The following CDK14 variants were observed in gnomAD, a reference collection of about 807,000 sequenced individuals.
The protein encoded by CDK14 is cyclin dependent kinase 14.
A neutral mutation model predicts 60.7 loss-of-function variants in CDK14; 34 were observed. That is an observed-to-expected ratio of 0.56 (90% CI 0.43 to 0.75). The LOEUF (loss-of-function observed/expected upper bound fraction) is 0.75, where lower values mean the gene tolerates loss of function less well. Ranked by LOEUF, CDK14 falls within the 30% of genes least tolerant of loss-of-function variation. The probability of loss-of-function intolerance (pLI) is 0.00; values close to 1 mark genes in which losing one functional copy is unlikely to be tolerated. For synonymous variants in CDK14, 197 were observed against 203.7 expected (o/e 0.97, Z 0.28); for missense variants, 482 against 564.1 (o/e 0.85, Z 1.47).
intron 4 of CDK14, among the ~76,000 whole-genome samples, chr7:90,770,440 T>G (rs1338070616): frequency 6.6e-6 from 1 of 152,236 alleles, no homozygotes; most frequent in African/African-American, 2.4e-5. Context: ...TAAAAATGTA[T>G]TTTTAACTTC....
intron 14 of CDK14, among the ~76,000 whole-genome samples, chr7:91,194,431 A>AT (rs897597114): frequency 7.3e-5 from 11 of 151,382 alleles, no homozygotes; most frequent in South Asian, 4.2e-4. Flanking sequence ...GATTGGGCTG[A>AT]TTTTTTTTTC....
chr7:91,109,614 T>A (rs1183548814), intron 12 of CDK14, among the ~76,000 whole-genome samples: 3 of 152,024 alleles, frequency 2.0e-5, no homozygotes, highest in Non-Finnish European at 2.9e-5. Context: ...ATATCAATAA[T>A]CACAAAATGT....
Position 90,780,685 on chromosome 7 carries a change from G to C in CDK14, c.465-9888G>C, listed in dbSNP as rs776684637. ...TTTTTGTTCTTGCGATAGTTAATGA[G>C]AATGATGATTTCCAATTTCATCCAT... On this transcript the variant is annotated intron_variant, in intron 4 of 14. Transcript: ENST00000380050. Among the ~76,000 whole-genome samples the C allele has an allele frequency of 1.6e-4, 24 of 150,768 alleles. No individual in the cohort carries two copies. In the Middle Eastern group the frequency reaches 0.014, roughly 87 times the overall value.
intron 5 of CDK14, among the ~76,000 whole-genome samples, chr7:90,825,903 T>C (rs896740807): frequency 6.6e-6 from 1 of 152,222 alleles, no homozygotes; most frequent in African/African-American, 2.4e-5. Context: ...GTGGTAGTTA[T>C]GTCTCTGTTA....
At position 91,016,857 on chromosome 7, in the gene CDK14, A is replaced by T. The variant is rs1796315145; in HGVS notation, c.1042-29040A>T. Among the ~76,000 whole-genome samples, 3 of 152,222 alleles carry T rather than the reference A, an allele frequency of 2.0e-5. No individual in the cohort carries two copies. The South Asian group carries it at 6.2e-4, about 32-fold the overall frequency. On this transcript the variant is annotated intron_variant, in intron 10 of 14. Transcript: ENST00000380050. ...AAAGCATTGTCTATAGTAACTTCGC[A>T]TACACCAGTGAAGGCACAGAAGATG...
At chr7:90,911,191 C>T (rs1029556923) in intron 7 of CDK14, among the ~76,000 whole-genome samples, 5 of 152,066 alleles carry the variant, frequency 3.3e-5, no homozygotes, top group African/African-American at 4.8e-5. Flanking sequence ...AAATGTCTAT[C>T]GTAGTAAGCA....
chr7:91,139,088 C>T (rs1800368139), intron 14 of CDK14, among the ~76,000 whole-genome samples: 1 of 152,166 alleles, frequency 6.6e-6, no homozygotes, highest in Non-Finnish European at 1.5e-5. Context: ...ATTCGAGTGC[C>T]TCCACTTACC....
chr7:90,652,799 G>T lies in CDK14; in HGVS notation c.123+48550G>T, dbSNP rs570941317. ...CTGAGGCTTAAAGGTTAAATCATTT[G>T]CCCAAAGACACACATCTACAAAGTG... On this transcript the variant is annotated intron_variant, in intron 2 of 14. Coordinates refer to ENST00000380050, the MANE Select transcript of CDK14 (RefSeq NM_001287135.2). Among the ~76,000 whole-genome samples the T allele has an allele frequency of 2.6e-5, 4 of 152,276 alleles. No homozygotes were observed. In the South Asian group the frequency reaches 8.3e-4, roughly 32 times the overall value.
intron 12 of CDK14, among the ~76,000 whole-genome samples, chr7:91,107,013 T>A (rs1799323755): frequency 6.6e-6 from 1 of 152,204 alleles, no homozygotes; most frequent in African/African-American, 2.4e-5. Context: ...AGAATCAAAT[T>A]AAAATCAGGA....
At chr7:90,686,019 A>C (rs1273061425) in intron 2 of CDK14, among the ~76,000 whole-genome samples, 1 of 152,134 alleles carries the variant, frequency 6.6e-6, no homozygotes, top group African/African-American at 2.4e-5. Context: ...TTTATTCTAC[A>C]TATTGAGTTT....
At chr7:91,118,426 T>G (rs1799679394) in intron 14 of CDK14, among the ~76,000 whole-genome samples, 1 of 152,188 alleles carries the variant, frequency 6.6e-6, no homozygotes, top group Non-Finnish European at 1.5e-5. Context: ...ATGCTTTTAT[T>G]TATGTAGTCA....
chr7:90,766,069 CTTTTAT>C (rs1306805331), intron 4 of CDK14, among the ~76,000 whole-genome samples: 3 of 151,934 alleles, frequency 2.0e-5, no homozygotes, highest in Admixed American at 1.3e-4. Flanking sequence ...TCTTAAATAT[CTTTTAT>C]TTTTATTCAT....
chr7:90,981,772 C>A lies in CDK14; in HGVS notation c.948-2376C>A, dbSNP rs559272593. Among the ~76,000 whole-genome samples, 18 of 131,964 alleles carry A rather than the reference C, an allele frequency of 1.4e-4. No individual in the cohort carries two copies. In the South Asian group the frequency reaches 4.1e-3, roughly 30 times the overall value. The allele number at this position is 131,964 out of a possible 152,430, so 86.6% of individuals were successfully genotyped here. On this transcript the variant is annotated intron_variant, in intron 9 of 14. Coordinates refer to ENST00000380050, the MANE Select transcript of CDK14 (RefSeq NM_001287135.2). ...TTCAAATAGAGCCAATGTTAAAAAT[C>A]TGGAGAATTTCCAGGAGGTAGAGAG... is the stretch of plus-strand genomic sequence containing the variant.
At chr7:91,084,647 C>T (rs1798579836) in intron 12 of CDK14, among the ~76,000 whole-genome samples, 1 of 152,222 alleles carries the variant, frequency 6.6e-6, no homozygotes, top group Non-Finnish European at 1.5e-5. Flanking sequence ...TTAATAACCC[C>T]TGGTGATGGC....
At chr7:91,136,009 G>C (rs1567473) in intron 14 of CDK14, among the ~76,000 whole-genome samples, 9,013 of 152,048 alleles carry the variant, frequency 0.059, 891 homozygotes, top group East Asian at 0.49. Flanking sequence ...TCCTAAAGAA[G>C]ATGGCTGAAA....
chr7:90,628,169 T>A (rs908219434), intron 2 of CDK14, among the ~76,000 whole-genome samples: 22 of 152,058 alleles, frequency 1.4e-4, no homozygotes, highest in African/African-American at 5.3e-4. Flanking sequence ...GTTGCCCAAG[T>A]TGGTCTTGAA....
intron 8 of CDK14, 33 bp from the exon 9 acceptor site, chr7:90,955,664 G>C (rs770090878): frequency 6.2e-7 from 1 of 1,610,802 alleles, no homozygotes. Flanking sequence ...GCTAATGCCT[G>C]TTAAACTTCT....
At chr7:90,864,929 C>T (rs1172103065) in intron 6 of CDK14, among the ~76,000 whole-genome samples, 1 of 151,976 alleles carries the variant, frequency 6.6e-6, no homozygotes, top group African/African-American at 2.4e-5. Flanking sequence ...ACATTTTGTT[C>T]CCAACTTCTC....
At chr7:90,779,463 A>G (rs947312819) in intron 4 of CDK14, among the ~76,000 whole-genome samples, 11 of 152,166 alleles carry the variant, frequency 7.2e-5, no homozygotes, top group Admixed American at 7.2e-4. Context: ...TGTGTGGCCC[A>G]GGCATGTCTC....
Sources: allele counts gnomAD v4.1 joint callset (sites outside exome capture counted in the v4.1 genomes callset), GRCh38; gene constraint gnomAD v4.1.1; transcripts MANE v1.5; gene names NCBI Gene and HGNC (gene_info 2026-07-23, HGNC 2026-07-21).